Variants in ARHGAP12 observed in about 807,000 individuals in gnomAD.
The protein encoded by ARHGAP12 is rho GTPase-activating protein 12.
In ARHGAP12, 64 loss-of-function variants were observed where a neutral mutation model predicts 108.6. That is an observed-to-expected ratio of 0.59 (90% CI 0.48 to 0.73). ARHGAP12 has a LOEUF of 0.73. Among genes scored for constraint, ARHGAP12 ranks in the 30% least tolerant of loss-of-function variants. The pLI is 0.00. For synonymous variants in ARHGAP12, 312 were observed against 337.2 expected, an observed-to-expected ratio of 0.93 and a Z score of 0.82; for missense variants, 940 against 1,005.9, an observed-to-expected ratio of 0.93 and a Z score of 0.89.
At chr10:31,895,817 T>G (rs560629108) in intron 3 of ARHGAP12, among the ~76,000 whole-genome samples, 10 of 152,140 alleles carry the variant, frequency 6.6e-5, no homozygotes, top group Non-Finnish European at 1.5e-4. Context: ...TTATTCACAA[T>G]AGCAAAGTCT....
chr10:31,822,356 G>A (rs1835447125), intron 11 of ARHGAP12, among the ~76,000 whole-genome samples: 2 of 152,162 alleles, frequency 1.3e-5, no homozygotes, highest in African/African-American at 4.8e-5. Flanking sequence ...GAGCCTTGTT[G>A]GCAGAAGGAC....
chr10:31,862,682 T>A (rs928481893), intron 3 of ARHGAP12, among the ~76,000 whole-genome samples: 1 of 148,890 alleles, frequency 6.7e-6, no homozygotes, highest in African/African-American at 2.5e-5. Context: ...AACCACCAGA[T>A]GACAGTGGCG....
At chr10:31,826,171 G>T (rs1392761079) in intron 11 of ARHGAP12, 133 bp downstream of exon 11, 4 of 611,786 alleles carry the variant, frequency 6.5e-6, no homozygotes, top group Non-Finnish European at 1.1e-5. Context: ...GAATCTTTAA[G>T]AAGATTTTAT....
intron 1 of ARHGAP12, among the ~76,000 whole-genome samples, chr10:31,916,818 T>C (rs374058097): frequency 1.3e-5 from 2 of 151,968 alleles, no homozygotes; most frequent in Non-Finnish European, 2.9e-5. Flanking sequence ...GGTTTCACCA[T>C]GTTGGCCAGG....
chr10:31,854,177 G>A lies in ARHGAP12; in HGVS notation c.978C>T (p.Ser326=). 6.2e-7 allele frequency: 1 copy of A among 1,610,058 alleles called. No individual in the cohort carries two copies. Among genetic ancestry groups the A allele is most frequent in the Non-Finnish European group, 8.5e-7 (1 of 1,178,912 alleles). Residue 326 remains serine, a synonymous_variant, in exon 5 of 20, where the codon AGC becomes AGT. Transcript: ENST00000344936. The part of the protein sequence containing the change: ...ELLSSEENYY[S]TSYSQSDSQC... ...GACTATCTGACTGGCTGTAAGAAGT[G>A]CTGTAGTAGTTTTCTTCCGATGAAA...
At chr10:31,923,237 C>A (rs1385684203) in intron 1 of ARHGAP12, among the ~76,000 whole-genome samples, 1 of 150,778 alleles carries the variant, frequency 6.6e-6, no homozygotes, top group Non-Finnish European at 1.5e-5. Flanking sequence ...CTTTAGCCAT[C>A]AGGAAAATGC....
intron 8 of ARHGAP12, 38 bp downstream of exon 8, chr10:31,839,599 C>T: frequency 1.3e-6 from 2 of 1,507,338 alleles, no homozygotes; most frequent in Non-Finnish European, 1.8e-6. Flanking sequence ...ATTGAAATAA[C>T]TGGACTACAT....
chr10:31,830,982 C>T (rs1835811365), intron 10 of ARHGAP12, among the ~76,000 whole-genome samples: 1 of 152,282 alleles, frequency 6.6e-6, no homozygotes, highest in East Asian at 1.9e-4. Flanking sequence ...GGAACACTGT[C>T]GAAATGACTT....
chr10:31,864,396 A>G (rs1392979225), intron 3 of ARHGAP12, among the ~76,000 whole-genome samples: 2 of 152,184 alleles, frequency 1.3e-5, no homozygotes, highest in African/African-American at 4.8e-5. Flanking sequence ...TTCCTCAGGT[A>G]CCTAAAATTA....
chr10:31,843,583 T>C lies in ARHGAP12; in HGVS notation c.1174A>G (p.Asn392Asp), dbSNP rs775326302. The C allele has an allele frequency of 2.5e-6, 4 of 1,595,262 alleles. No homozygotes were observed. The highest frequency in any genetic ancestry group is 2.2e-5 in the East Asian group (1 of 44,716). Reference sequence around the variant, plus strand: ...TCTCTTTGCTGCTGGGATGAAGCATTATACTAAAACAAAACAAAGCAAAAA... The same window carrying C: ...TCTCTTTGCTGCTGGGATGAAGCATCATACTAAAACAAAACAAAGCAAAAA... Reference protein sequence around the residue: ...SRSEWELPKYNASSQQQREII... With the variant: ...SRSEWELPKYDASSQQQREII... Residue 392 changes from asparagine (N) to aspartate (D), a missense_variant, in exon 7 of 20, where the codon AAT becomes GAT. Physicochemically the swap from Asn to Asp is conservative, Grantham distance 23. Coordinates refer to ENST00000344936, the MANE Select transcript of ARHGAP12 (RefSeq NM_018287.7).
At chr10:31,845,780 G>A (rs79503570) in intron 6 of ARHGAP12, among the ~76,000 whole-genome samples, 3,608 of 152,042 alleles carry the variant, frequency 0.024, 152 homozygotes, top group African/African-American at 0.081. Context: ...GTGATAGTCT[G>A]TCTCAAAAAA....
chr10:31,888,117 G>C (rs1838257269), intron 3 of ARHGAP12, among the ~76,000 whole-genome samples: 1 of 152,148 alleles, frequency 6.6e-6, no homozygotes, highest in South Asian at 2.1e-4. Context: ...GCCTGGTACA[G>C]AATACATATA....
intron 19 of ARHGAP12, 148 bp downstream of exon 19, chr10:31,808,501 T>C (rs1393717143): frequency 1.6e-6 from 1 of 643,450 alleles, no homozygotes; most frequent in Admixed American, 2.9e-5. Context: ...AGACTGATAC[T>C]AAAAGGAGTT....
chr10:31,809,156 T>TA (rs779424434), intron 17 of ARHGAP12, 28 bp from the exon 18 acceptor site: 2 of 1,612,838 alleles, frequency 1.2e-6, no homozygotes, highest in Admixed American at 1.7e-5. Context: ...TTGGACATTT[T>TA]AAAAAATTAC....
chr10:31,896,443 T>TA (rs145415875), intron 3 of ARHGAP12, among the ~76,000 whole-genome samples: 468 of 152,224 alleles, frequency 3.1e-3, no homozygotes, highest in African/African-American at 0.011. Context: ...TCTTCCTAAA[T>TA]GTCAGGTTGT....
chr10:31,870,393 G>A (rs1837496841), intron 3 of ARHGAP12, among the ~76,000 whole-genome samples: 2 of 151,860 alleles, frequency 1.3e-5, no homozygotes, highest in African/African-American at 4.8e-5. Context: ...ACCCCACCCA[G>A]CTAATTTTGT....
At chr10:31,917,446 T>C (rs910787386) in intron 1 of ARHGAP12, among the ~76,000 whole-genome samples, 5 of 152,160 alleles carry the variant, frequency 3.3e-5, no homozygotes, top group African/African-American at 7.2e-5. Context: ...CTAGTCTTTA[T>C]AAAAGTTCAA....
At chr10:31,860,049 G>C (rs987726544) in intron 4 of ARHGAP12, among the ~76,000 whole-genome samples, 3 of 152,100 alleles carry the variant, frequency 2.0e-5, no homozygotes, top group Admixed American at 1.3e-4. Context: ...TAGAATTACA[G>C]GCATGAGCCA....
chr10:31,811,235 C>G (rs1404131619), intron 15 of ARHGAP12, among the ~76,000 whole-genome samples: 2 of 152,232 alleles, frequency 1.3e-5, no homozygotes, highest in Non-Finnish European at 2.9e-5. Context: ...TGAACACCAA[C>G]AGGTATTCAT....
Sources: gnomAD v4.1 joint callset for allele counts (sites outside exome capture counted in the v4.1 genomes callset) on GRCh38, gnomAD v4.1.1 for gene constraint, MANE v1.5 for transcripts, NCBI Gene and HGNC (gene_info 2026-07-23, HGNC 2026-07-21) for gene names.